The following FBXO4 variants were observed in gnomAD, a reference collection of about 807,000 sequenced individuals.
FBXO4 encodes the protein F-box only protein 4.
Under a neutral mutation model 43.7 loss-of-function variants are expected in FBXO4, and 36 were observed. The ratio of observed to expected loss-of-function variants is 0.82; its 90% CI spans 0.63 to 1.09. The LOEUF is 1.09. FBXO4 is among the 50% of genes least tolerant of loss of function. The pLI is 0.00. For synonymous variants in FBXO4, 180 were observed against 165.6 expected, an observed-to-expected ratio of 1.09 and a Z score of -0.67; for missense variants, 435 against 474.1, an observed-to-expected ratio of 0.92 and a Z score of 0.77.
At chr5:42,015,494 G>A in the FBXO4 span, among the ~76,000 whole-genome samples, 1 of 152,170 alleles carries the variant, frequency 6.6e-6, no homozygotes, top group African/African-American at 2.4e-5. Flanking sequence ...CTTCAGGCTA[G>A]TGCTATTACC....
At position 41,930,729 on chromosome 5, in the gene FBXO4, G is replaced by A. The variant is rs184781211; in HGVS notation, c.646+812G>A. On this transcript the variant is annotated intron_variant, in intron 3 of 6. Transcript: ENST00000281623. ...GTTGCCCAGGCTGGAGTGCAGTGGCGCGATCTCGGCTCACTGCCAGCTCCG... is the reference window on the plus strand; with the variant it reads ...GTTGCCCAGGCTGGAGTGCAGTGGCACGATCTCGGCTCACTGCCAGCTCCG... Among the ~76,000 whole-genome samples, 25 of 149,614 alleles carry A rather than the reference G, an allele frequency of 1.7e-4. 1 individual carries two copies. In the East Asian group the frequency reaches 2.6e-3, roughly 15 times the overall value.
the FBXO4 span, among the ~76,000 whole-genome samples, chr5:42,003,570 G>A: frequency 6.6e-6 from 1 of 152,074 alleles, no homozygotes; most frequent in East Asian, 1.9e-4. Context: ...TGCACAACGT[G>A]CAGGTATGTT....
At chr5:41,938,414 A>G (rs563388481) in intron 5 of FBXO4, among the ~76,000 whole-genome samples, 2 of 152,312 alleles carry the variant, frequency 1.3e-5, no homozygotes, top group South Asian at 2.1e-4. Flanking sequence ...AACTCAGTCC[A>G]AAAGAAGGTA....
At chr5:41,942,055 C>G (rs1752013796), downstream of FBXO4, among the ~76,000 whole-genome samples, 1 of 152,004 alleles carries the variant, frequency 6.6e-6, no homozygotes, top group Non-Finnish European at 1.5e-5. Context: ...TAGTAAAAGC[C>G]ATAAATATCT....
rs750490902 is a variant in FBXO4, at chr5:41,939,453, A to G, written c.911A>G (p.Gln304Arg). 1.2e-6 allele frequency: 2 copies of G among 1,609,662 alleles called. No homozygotes were observed. Among genetic ancestry groups the G allele is most frequent in the East Asian group, 4.5e-5 (2 of 44,824 alleles). ...NAEAHKRHEW[Q>R]DEFSHIMAMT... ...TTACATTCCTTAGGACATGAATGGC[A>G]AGATGAATTTTCTCATATTATGGCA... Residue 304 changes from glutamine to arginine, a missense_variant, in exon 6 of 7, where the codon CAA becomes CGA. Transcript: ENST00000281623.
At chr5:42,001,407 C>G in the FBXO4 span, among the ~76,000 whole-genome samples, 1 of 152,182 alleles carries the variant, frequency 6.6e-6, no homozygotes, top group South Asian at 2.1e-4. Context: ...TTTTGTTGTA[C>G]TTTTAGTAGA....
chr5:41,933,368 C>T (rs1346512956), intron 3 of FBXO4, among the ~76,000 whole-genome samples: 1 of 152,088 alleles, frequency 6.6e-6, no homozygotes, highest in Non-Finnish European at 1.5e-5. Context: ...GCATGGGCCA[C>T]CATGCCTGGA....
chr5:41,953,150 C>T, the FBXO4 span, among the ~76,000 whole-genome samples: 2 of 151,820 alleles, frequency 1.3e-5, no homozygotes, highest in East Asian at 1.9e-4. Context: ...TCCCCCGTCC[C>T]CCCACCCCAC....
chr5:41,998,202 T>G, the FBXO4 span, among the ~76,000 whole-genome samples: 1 of 152,210 alleles, frequency 6.6e-6, no homozygotes, highest in African/African-American at 2.4e-5. Flanking sequence ...GTCCCTGACA[T>G]CTCAGGATCC....
the FBXO4 span, among the ~76,000 whole-genome samples, chr5:42,027,347 T>C: frequency 6.6e-6 from 1 of 151,948 alleles, no homozygotes; most frequent in Non-Finnish European, 1.5e-5. Context: ...CAGTTGCTCA[T>C]AGTAGTCTCT....
the FBXO4 span, among the ~76,000 whole-genome samples, chr5:41,949,423 AACAG>A: frequency 1.3e-5 from 2 of 152,188 alleles, no homozygotes; most frequent in Non-Finnish European, 2.9e-5. Context: ...ATACACCAAT[AACAG>A]ACAAACAGCC....
At position 41,941,651 on chromosome 5, in the gene FBXO4, T is replaced by C. The variant is rs1349032549; in HGVS notation, c.*370T>C. The C allele has an allele frequency of 5.9e-6, 1 of 169,502 alleles. No individual in the cohort carries two copies. The highest frequency in any genetic ancestry group is 1.3e-5 in the Non-Finnish European group (1 of 78,020). 10.5% of individuals were successfully genotyped at this position (169,502 alleles called of 1,614,324 possible). A position where few individuals can be genotyped will look rare whatever the true frequency, so the allele number is the denominator to read the frequency against. ...GTGAGAAATAGCAAATTTGCTAAAC[T>C]TTCTATTCAGTCTTTTCAAGGGTTC... On this transcript the variant is annotated 3_prime_UTR_variant, in exon 7 of 7. Transcript: ENST00000281623.
the FBXO4 span, among the ~76,000 whole-genome samples, chr5:41,977,003 C>A: frequency 6.6e-6 from 1 of 152,278 alleles, no homozygotes; most frequent in African/African-American, 2.4e-5. Context: ...GGCTTGTGAC[C>A]TTCAAAGCTG....
chr5:42,014,412 C>T, the FBXO4 span, among the ~76,000 whole-genome samples: 1 of 152,172 alleles, frequency 6.6e-6, no homozygotes, highest in African/African-American at 2.4e-5. Context: ...GAAAACTCCG[C>T]TCTTTCACTG....
the FBXO4 span, among the ~76,000 whole-genome samples, chr5:41,969,187 C>T: frequency 6.6e-6 from 1 of 152,280 alleles, no homozygotes. Context: ...ATCCTATCTC[C>T]TTTATTAATA....
the FBXO4 span, among the ~76,000 whole-genome samples, chr5:42,003,181 CA>C: frequency 6.6e-6 from 1 of 152,158 alleles, no homozygotes; most frequent in Non-Finnish European, 1.5e-5. Context: ...GCAACTCAGA[CA>C]ATAATAGAAT....
the FBXO4 span, among the ~76,000 whole-genome samples, chr5:42,014,675 G>A: frequency 6.6e-6 from 1 of 152,104 alleles, no homozygotes; most frequent in Non-Finnish European, 1.5e-5. Context: ...CCCTTAGAGA[G>A]CACACAATAC....
the FBXO4 span, among the ~76,000 whole-genome samples, chr5:41,971,871 C>G: frequency 6.6e-6 from 1 of 151,932 alleles, no homozygotes; most frequent in Non-Finnish European, 1.5e-5. Context: ...TATGTATTTT[C>G]AAAAACATGC....
the FBXO4 span, among the ~76,000 whole-genome samples, chr5:42,003,617 C>T: frequency 1.3e-5 from 2 of 151,390 alleles, no homozygotes; most frequent in African/African-American, 4.9e-5. Context: ...TGTGGTGCAC[C>T]CATTAATTCT....
Sources: allele counts gnomAD v4.1 joint callset (sites outside exome capture counted in the v4.1 genomes callset), GRCh38; gene constraint gnomAD v4.1.1; transcripts MANE v1.5; gene names NCBI Gene and HGNC (gene_info 2026-07-23, HGNC 2026-07-21).